TJP1: variants seen among roughly 807,000 people sequenced by gnomAD.
The protein encoded by TJP1 is tight junction protein ZO-1.
In TJP1, 43 loss-of-function variants were observed where a neutral mutation model predicts 194.2. The observed-to-expected ratio is 0.22, with a 90% CI of 0.17 to 0.29. The LOEUF is 0.29. Among genes scored for constraint, TJP1 ranks in the 10% least tolerant of loss-of-function variants. The pLI is 1.00. For missense variants in TJP1, 1,971 were observed against 2,185.7 expected (o/e 0.90, Z 1.96); for synonymous variants, 801 against 779.0 (o/e 1.03, Z -0.47).
rs1595845636 is a variant in TJP1 at position 29,773,317 on chromosome 15, C to T, written c.125G>A (p.Arg42Gln). The change falls in exon 3 of 28, where the codon CGA (arginine) becomes CAA (glutamine). Residue 42 changes from arginine (R) to glutamine (Q), a missense_variant. Physicochemically the swap from Arg to Gln is conservative, Grantham distance 43. This residue lies in a region of TJP1 where 245 missense variants were observed against 336.6 expected (regional missense o/e 0.73). Coordinates refer to ENST00000614355, the MANE Select transcript of TJP1 (RefSeq NM_001330239.4). Reference protein sequence around the residue: ...FGFGIAISGGRDNPHFQSGET... With the variant: ...FGFGIAISGGQDNPHFQSGET... ...CCCACTCTGAAAATGAGGATTATCT[C>T]GTCCACCAGATATTGCAATTCCAAA... 6.8e-6 allele frequency: 11 copies of T among 1,613,900 alleles called. No individual in the cohort carries two copies. The highest frequency in any genetic ancestry group is 1.3e-5 in the African/African-American group (1 of 75,020).
intron 2 of TJP1, among the ~76,000 whole-genome samples, chr15:29,890,569 CA>C (rs1945939183): frequency 2.0e-5 from 3 of 152,072 alleles, no homozygotes; most frequent in Admixed American, 2.0e-4. Flanking sequence ...CTGAAAAGAG[CA>C]AAGAGTAATG....
chr15:29,936,109 C>A (rs1030222923), intron 2 of TJP1, among the ~76,000 whole-genome samples: 1 of 152,084 alleles, frequency 6.6e-6, no homozygotes, highest in African/African-American at 2.4e-5. Flanking sequence ...TGAGTTCCCT[C>A]CTCGCTGGGG....
chr15:29,873,859 A>T (rs1221258592), intron 2 of TJP1, among the ~76,000 whole-genome samples: 6 of 152,206 alleles, frequency 3.9e-5, no homozygotes, highest in Non-Finnish European at 7.3e-5. Context: ...ATCCTTCTGT[A>T]AATGGAACGG....
chr15:29,878,483 A>G (rs764133763), intron 2 of TJP1, among the ~76,000 whole-genome samples: 2 of 152,198 alleles, frequency 1.3e-5, no homozygotes, highest in African/African-American at 2.4e-5. Context: ...TATATTCTCA[A>G]ATAAATACCT....
chr15:29,887,302 A>G (rs951513763), intron 2 of TJP1, among the ~76,000 whole-genome samples: 1 of 148,392 alleles, frequency 6.7e-6, no homozygotes, highest in Admixed American at 6.8e-5. Flanking sequence ...ATACATATAT[A>G]TGTATATATA....
At chr15:29,833,422 C>A (rs530103207) in intron 2 of TJP1, among the ~76,000 whole-genome samples, 1 of 152,166 alleles carries the variant, frequency 6.6e-6, no homozygotes, top group South Asian at 2.1e-4. Context: ...TTGAGACAGT[C>A]TCGCTCTGTC....
chr15:29,961,462 C>T (rs2056160794), intron 1 of TJP1, among the ~76,000 whole-genome samples: 1 of 150,442 alleles, frequency 6.6e-6, no homozygotes, highest in South Asian at 2.1e-4. Context: ...CATTCTCCTG[C>T]CTCAGCCTCC....
intron 2 of TJP1, among the ~76,000 whole-genome samples, chr15:29,775,648 A>G (rs540406472): frequency 1.3e-3 from 196 of 152,138 alleles, no homozygotes; most frequent in African/African-American, 4.5e-3. Flanking sequence ...TACACTCATC[A>G]TAATTCAAAG....
intron 2 of TJP1, among the ~76,000 whole-genome samples, chr15:29,831,979 C>T (rs144456906): frequency 2.6e-5 from 4 of 152,028 alleles, no homozygotes; most frequent in African/African-American, 7.3e-5. Flanking sequence ...TTCTTTATCA[C>T]GCAAATCAAC....
rs200902452 is a variant in TJP1 at position 29,716,807 on chromosome 15, G to A, written c.4006C>T (p.Pro1336Ser). 1 of 1,604,802 alleles carries A rather than the reference G, an allele frequency of 6.2e-7. No homozygotes were observed. Reference protein sequence around the residue: ...IPEPQKPQLKPPEDIVRSNHY... With the variant: ...IPEPQKPQLKSPEDIVRSNHY... ...TTGGACCGAACAATATCTTCAGGTG[G>A]CTTCAGTTGAGGTTTTTGAGGTTCT... is the stretch of plus-strand genomic sequence containing the variant. Residue 1336 changes from proline (P) to serine (S), a missense_variant, in exon 23 of 28, where the codon CCA (proline) becomes TCA (serine). Physicochemically the swap from Pro to Ser is moderately conservative, Grantham distance 74 (BLOSUM62 -1). This residue lies in a region of TJP1 where 1,108 missense variants were observed against 1,128.5 expected (regional missense o/e 0.98). Transcript: ENST00000614355.
At chr15:29,733,030 G>T in intron 13 of TJP1, 64 bp downstream of exon 13, 1 of 1,527,298 alleles carries the variant, frequency 6.5e-7, no homozygotes. Context: ...TTTCCCAGTG[G>T]GATTGAAATG....
intron 8 of TJP1, among the ~76,000 whole-genome samples, chr15:29,757,427 TTAAA>T (rs1170365823): frequency 6.6e-6 from 1 of 152,056 alleles, no homozygotes; most frequent in Non-Finnish European, 1.5e-5. Flanking sequence ...ACAGCCAAAA[TTAAA>T]TAAAAAAAAC....
intron 8 of TJP1, among the ~76,000 whole-genome samples, chr15:29,751,789 G>T (rs1398165948): frequency 2.6e-5 from 4 of 152,146 alleles, no homozygotes; most frequent in African/African-American, 9.7e-5. Context: ...CTGCAAATAA[G>T]TTTTTTTGTA....
chr15:29,826,010 A>T (rs75339097), upstream of TJP1, among the ~76,000 whole-genome samples: 1,031 of 152,342 alleles, frequency 6.8e-3, 7 homozygotes, highest in African/African-American at 0.023. Context: ...TAATCTTATA[A>T]AGTAAAAACA....
chr15:29,802,470 A>G (rs1431050941), intron 1 of TJP1, among the ~76,000 whole-genome samples: 1 of 152,158 alleles, frequency 6.6e-6, no homozygotes, highest in East Asian at 1.9e-4. Flanking sequence ...GTTCACTCCC[A>G]TAGATAAGAA....
chr15:29,960,399 G>A (rs1453768332), intron 1 of TJP1, among the ~76,000 whole-genome samples: 3 of 152,000 alleles, frequency 2.0e-5, no homozygotes, highest in Admixed American at 6.6e-5. Context: ...TTGGGAGGCC[G>A]AGACATGAGG....
intron 4 of TJP1, among the ~76,000 whole-genome samples, chr15:29,766,823 C>T (rs1463462963): frequency 6.6e-6 from 1 of 152,150 alleles, no homozygotes; most frequent in African/African-American, 2.4e-5. Context: ...GTGTAATAAT[C>T]ACAAGCTTAC....
chr15:29,714,056 G>A (rs2042400485), intron 23 of TJP1, among the ~76,000 whole-genome samples: 1 of 152,144 alleles, frequency 6.6e-6, no homozygotes, highest in African/African-American at 2.4e-5. Context: ...ACCATGCCCT[G>A]TTTTGAGCTT....
chr15:29,911,451 C>A (rs1426610535), intron 2 of TJP1, among the ~76,000 whole-genome samples: 5 of 152,150 alleles, frequency 3.3e-5, no homozygotes, highest in Non-Finnish European at 5.9e-5. Context: ...ATAAAGAAAA[C>A]AGGTTTAATT....
Sources: allele counts gnomAD v4.1 joint callset (sites outside exome capture counted in the v4.1 genomes callset), GRCh38; gene constraint gnomAD v4.1.1; regional missense constraint gnomAD v4.1.1; transcripts MANE v1.5; gene names NCBI Gene and HGNC (gene_info 2026-07-23, HGNC 2026-07-21).